ZNF600: variants seen among roughly 807,000 people sequenced by gnomAD.
The protein encoded by ZNF600 is zinc finger protein 600.
Under a neutral mutation model 7.3 loss-of-function variants are expected in ZNF600, and 4 were observed. The ratio of observed to expected loss-of-function variants is 0.55; its 90% CI spans 0.27 to 1.25. ZNF600 has a LOEUF of 1.25. Ranked by LOEUF, ZNF600 falls within the 50% of genes most tolerant of loss-of-function variation. The pLI, the probability that ZNF600 is intolerant of heterozygous loss-of-function variation, is 0.12. For missense variants in ZNF600, 911 were observed against 922.1 expected (o/e 0.99, Z 0.16); for synonymous variants, 290 against 308.9 (o/e 0.94, Z 0.64).
chr19:52,798,167 A>G, the ZNF600 span: 1 of 157,584 alleles, frequency 6.3e-6, no homozygotes, highest in Non-Finnish European at 1.4e-5. Flanking sequence ...AAGAATAGAA[A>G]TGAAAACACA....
the ZNF600 span, chr19:52,810,815 T>G: frequency 6.2e-6 from 2 of 324,270 alleles, 1 homozygote; most frequent in Non-Finnish European, 1.1e-5. Flanking sequence ...TGGAAAAAAA[T>G]ATATATATAT....
the ZNF600 span, among the ~76,000 whole-genome samples, chr19:52,793,991 T>G: frequency 0.013 from 1,933 of 152,300 alleles, 37 homozygotes; most frequent in African/African-American, 0.044. Context: ...CGTGTAGGAC[T>G]GCAAGGGAAT....
chr19:52,824,164 CAAAACAAAACAA>C, the ZNF600 span, among the ~76,000 whole-genome samples: 1 of 151,776 alleles, frequency 6.6e-6, no homozygotes, highest in East Asian at 1.9e-4. Flanking sequence ...CAAAATAAAA[CAAAACAAAACAA>C]AAAACAAAAA....
intron 2 of ZNF600, among the ~76,000 whole-genome samples, chr19:52,776,712 A>T (rs1368814761): frequency 3.9e-5 from 6 of 152,194 alleles, no homozygotes; most frequent in Non-Finnish European, 8.8e-5. Context: ...TATAAAAAAT[A>T]AAACTTATTG....
chr19:52,764,347 AC>A (rs2062551862), downstream of ZNF600: 1 of 152,000 alleles, frequency 6.6e-6, no homozygotes, highest in Non-Finnish European at 1.5e-5. Flanking sequence ...AGTAGCTGGA[AC>A]TAAAGGTGCA....
the ZNF600 span, among the ~76,000 whole-genome samples, chr19:52,813,234 A>T: frequency 2.8e-4 from 38 of 137,948 alleles, no homozygotes; most frequent in Non-Finnish European, 1.1e-4. Flanking sequence ...TATGAAGATT[A>T]AAAACTTGAA....
chr19:52,783,668 G>A (rs1463151164), intron 1 of ZNF600, among the ~76,000 whole-genome samples: 3 of 151,900 alleles, frequency 2.0e-5, no homozygotes, highest in African/African-American at 4.8e-5. Context: ...GCCTCCCTTC[G>A]GCATTCTATA....
At chr19:52,804,733 G>A in the ZNF600 span, among the ~76,000 whole-genome samples, 1 of 152,068 alleles carries the variant, frequency 6.6e-6, no homozygotes, top group Non-Finnish European at 1.5e-5. Flanking sequence ...TCAAACTCCT[G>A]ACCTCAAGCG....
At chr19:52,801,490 A>C in the ZNF600 span, 1 of 1,613,846 alleles carries the variant, frequency 6.2e-7, no homozygotes. Context: ...CTACCAGTCA[A>C]CTCTTTGATT....
exon 4 of ZNF600, chr19:52,767,663 A>T: frequency 1.9e-6 from 3 of 1,614,062 alleles, no homozygotes; most frequent in Non-Finnish European, 2.5e-6. Context: ...GGAAGCAAAA[A>T]TCTCCAATGT....
At chr19:52,826,811 G>A in the ZNF600 span, among the ~76,000 whole-genome samples, 8 of 152,068 alleles carry the variant, frequency 5.3e-5, no homozygotes, top group Non-Finnish European at 8.8e-5. Context: ...AGGAGGTGGA[G>A]GGTGCAGTGA....
the ZNF600 span, among the ~76,000 whole-genome samples, chr19:52,821,258 G>T: frequency 8.5e-5 from 13 of 152,144 alleles, no homozygotes; most frequent in African/African-American, 2.9e-4. Flanking sequence ...AGGCTGGGAG[G>T]CGCACAGGGT....
At chr19:52,815,774 G>A in the ZNF600 span, among the ~76,000 whole-genome samples, 320 of 146,202 alleles carry the variant, frequency 2.2e-3, 41 homozygotes, top group African/African-American at 8.1e-3. Context: ...GCAGTGAGCC[G>A]AGATTGCACC....
intron 2 of ZNF600, among the ~76,000 whole-genome samples, chr19:52,777,092 A>G (rs990648209): frequency 2.0e-5 from 3 of 152,178 alleles, no homozygotes; most frequent in African/African-American, 7.2e-5. Flanking sequence ...TTAAAAGTGC[A>G]GAGTTTGGCT....
chr19:52,765,992 G>C (rs746689162), exon 4 of ZNF600: 2 of 1,614,210 alleles, frequency 1.2e-6, no homozygotes, highest in South Asian at 2.2e-5. Flanking sequence ...CGAAAGCCTT[G>C]TCACAAACCG....
the ZNF600 span, chr19:52,809,899 G>A: frequency 7.4e-6 from 6 of 815,432 alleles, no homozygotes; most frequent in Middle Eastern, 3.5e-4. Flanking sequence ...CCGGGGCGGC[G>A]CCATCTTGTG....
the ZNF600 span, among the ~76,000 whole-genome samples, chr19:52,824,257 T>C: frequency 6.6e-6 from 1 of 152,146 alleles, no homozygotes; most frequent in Non-Finnish European, 1.5e-5. Flanking sequence ...AAGTTTTTCT[T>C]ACATAGGCAT....
At chr19:52,811,786 C>T in the ZNF600 span, among the ~76,000 whole-genome samples, 85 of 148,000 alleles carry the variant, frequency 5.7e-4, no homozygotes, top group Non-Finnish European at 9.9e-4. Context: ...CCCGCCCGGC[C>T]AGCCGCCCCG....
the ZNF600 span, among the ~76,000 whole-genome samples, chr19:52,825,653 A>AC: frequency 6.6e-6 from 1 of 152,210 alleles, no homozygotes; most frequent in South Asian, 2.1e-4. Context: ...AGGGTGAGAC[A>AC]CCGGTCTCAC....
Sources: gnomAD v4.1 joint callset for allele counts (sites outside exome capture counted in the v4.1 genomes callset) on GRCh38, gnomAD v4.1.1 for gene constraint, MANE v1.5 for transcripts, NCBI Gene and HGNC (gene_info 2026-07-23, HGNC 2026-07-21) for gene names.